Variants in RANBP17 observed in about 807,000 individuals in gnomAD.
The protein encoded by RANBP17 is ran-binding protein 17.
In RANBP17, 158 loss-of-function variants were observed where a neutral mutation model predicts 141.2. The observed-to-expected ratio is 1.12, with a 90% CI of 0.98 to 1.28. The LOEUF is 1.28. Ranked by LOEUF, RANBP17 falls within the 50% of genes most tolerant of loss-of-function variation. The pLI, the probability that RANBP17 is intolerant of heterozygous loss-of-function variation, is 0.00. For missense variants in RANBP17, 1,438 were observed against 1,290.7 expected (o/e 1.11, Z -1.75); for synonymous variants, 430 against 450.0 (o/e 0.96, Z 0.56).
In RANBP17 at chr5:171,137,952, T is replaced by TAG. The variant is rs757199267; in HGVS notation, c.1711-32177_1711-32176insGA. ...TCTATAAGTAGTGTGATATATGAGA[T>TAG]ATATATATATATATATATACACACA... is the stretch of plus-strand genomic sequence containing the variant. On this transcript the variant is annotated intron_variant, in intron 14 of 27. Transcript: ENST00000523189. Among the ~76,000 whole-genome samples the TAG allele has an allele frequency of 3.1e-5, 4 of 127,734 alleles. No individual in the cohort carries two copies. In the South Asian group the frequency reaches 7.0e-4, roughly 22 times the overall value. 83.8% of individuals were successfully genotyped at this position (127,734 alleles called of 152,430 possible).
intron 14 of RANBP17, among the ~76,000 whole-genome samples, chr5:171,114,586 G>A (rs1465990147): frequency 2.0e-5 from 3 of 151,300 alleles, no homozygotes; most frequent in South Asian, 4.2e-4. Context: ...AGTTTATCCA[G>A]CCACAAAGAG....
chr5:171,082,174 C>A (rs945393295), intron 14 of RANBP17, among the ~76,000 whole-genome samples: 1 of 152,074 alleles, frequency 6.6e-6, no homozygotes, highest in African/African-American at 2.4e-5. Context: ...ACCTGACTTG[C>A]GCTCATCTCA....
intron 14 of RANBP17, among the ~76,000 whole-genome samples, chr5:171,093,531 G>A (rs938476630): frequency 6.6e-6 from 1 of 152,120 alleles, no homozygotes; most frequent in Non-Finnish European, 1.5e-5. Flanking sequence ...GGAAGCTTCT[G>A]GAAAAGCACC....
At chr5:171,248,448 T>G (rs1289788849) in intron 24 of RANBP17, among the ~76,000 whole-genome samples, 2 of 151,808 alleles carry the variant, frequency 1.3e-5, no homozygotes, top group Non-Finnish European at 2.9e-5. Context: ...CGGCCAAGAT[T>G]GGCCAGAAAG....
intron 14 of RANBP17, among the ~76,000 whole-genome samples, chr5:171,017,078 C>T (rs557256477): frequency 2.2e-4 from 34 of 152,250 alleles, no homozygotes; most frequent in African/African-American, 8.2e-4. Flanking sequence ...CAGAAAAGGA[C>T]ATTATCTCAT....
At chr5:171,235,643 C>T (rs1290402249) in intron 22 of RANBP17, among the ~76,000 whole-genome samples, 1 of 152,086 alleles carries the variant, frequency 6.6e-6, no homozygotes, top group Non-Finnish European at 1.5e-5. Flanking sequence ...TCACTCTCAT[C>T]CAGGCTGGAG....
At chr5:171,240,519 A>G (rs551751615) in intron 22 of RANBP17, among the ~76,000 whole-genome samples, 5 of 152,316 alleles carry the variant, frequency 3.3e-5, no homozygotes, top group East Asian at 3.9e-4. Context: ...CCGAGAATTT[A>G]GGGTAATTTA....
intron 14 of RANBP17, among the ~76,000 whole-genome samples, chr5:170,969,491 T>G (rs1776832519): frequency 6.6e-6 from 1 of 151,972 alleles, no homozygotes; most frequent in African/African-American, 2.4e-5. Context: ...ACTTGAAGAT[T>G]GAATATAAAT....
intron 14 of RANBP17, among the ~76,000 whole-genome samples, chr5:171,083,735 T>C (rs1287468492): frequency 6.6e-6 from 1 of 152,164 alleles, no homozygotes; most frequent in Non-Finnish European, 1.5e-5. Context: ...GGTAAGTGAA[T>C]CATGGGGCAG....
intron 25 of RANBP17, among the ~76,000 whole-genome samples, chr5:171,290,766 A>G (rs1174374617): frequency 6.6e-6 from 1 of 152,216 alleles, no homozygotes; most frequent in African/African-American, 2.4e-5. Flanking sequence ...ATTTATCTGT[A>G]TCTAATCAGG....
chr5:171,058,765 C>T (rs377300087), intron 14 of RANBP17, among the ~76,000 whole-genome samples: 191 of 150,442 alleles, frequency 1.3e-3, no homozygotes, highest in African/African-American at 4.3e-3. Flanking sequence ...TGAACTAGTT[C>T]ACAGTCCCAC....
At chr5:171,058,888 T>G (rs1259220594) in intron 14 of RANBP17, among the ~76,000 whole-genome samples, 1 of 151,144 alleles carries the variant, frequency 6.6e-6, no homozygotes, top group African/African-American at 2.4e-5. Flanking sequence ...ATTGTGGTTT[T>G]GATTTGCATT....
chr5:171,276,023 T>C (rs1328092827), intron 25 of RANBP17, among the ~76,000 whole-genome samples: 2 of 152,204 alleles, frequency 1.3e-5, no homozygotes, highest in African/African-American at 4.8e-5. Flanking sequence ...CAGGGTCAGC[T>C]GCTGGTCAGA....
chr5:170,990,476 G>A (rs1561963474), intron 14 of RANBP17, among the ~76,000 whole-genome samples: 2 of 151,736 alleles, frequency 1.3e-5, no homozygotes, highest in African/African-American at 4.8e-5. Flanking sequence ...AATTTTTTCA[G>A]TTTAAACAAA....
intron 14 of RANBP17, among the ~76,000 whole-genome samples, chr5:171,036,396 T>G (rs1280377441): frequency 1.3e-5 from 2 of 152,132 alleles, no homozygotes; most frequent in Non-Finnish European, 2.9e-5. Flanking sequence ...TAGTCTATGG[T>G]GTATATATGC....
chr5:171,262,365 T>C (rs975255129), intron 24 of RANBP17, among the ~76,000 whole-genome samples: 1 of 152,208 alleles, frequency 6.6e-6, no homozygotes, highest in African/African-American at 2.4e-5. Context: ...CTATGCTACA[T>C]CCCAGAGTTG....
intron 14 of RANBP17, among the ~76,000 whole-genome samples, chr5:171,039,087 A>G (rs1322017791): frequency 1.3e-5 from 2 of 152,106 alleles, no homozygotes; most frequent in Admixed American, 6.6e-5. Flanking sequence ...TTTTGGTTAT[A>G]TACCCAGTAA....
chr5:171,049,353 A>G (rs1782804784), intron 14 of RANBP17, among the ~76,000 whole-genome samples: 1 of 152,182 alleles, frequency 6.6e-6, no homozygotes, highest in Non-Finnish European at 1.5e-5. Context: ...AGTTCCTTAT[A>G]GATGCTGGAT....
intron 25 of RANBP17, among the ~76,000 whole-genome samples, chr5:171,270,928 A>G (rs989508362): frequency 2.0e-5 from 3 of 152,072 alleles, no homozygotes; most frequent in African/African-American, 7.2e-5. Context: ...GCATAGAGGA[A>G]TTAGAGCAGT....
Sources: allele counts gnomAD v4.1 joint callset (sites outside exome capture counted in the v4.1 genomes callset), GRCh38; gene constraint gnomAD v4.1.1; transcripts MANE v1.5; gene names NCBI Gene and HGNC (gene_info 2026-07-23, HGNC 2026-07-21).